Variants in CCDC80 observed in about 807,000 individuals in gnomAD.
The protein encoded by CCDC80 is coiled-coil domain containing 80, also known as coiled-coil domain-containing protein 80.
In CCDC80, 49 loss-of-function variants were observed where a neutral mutation model predicts 78.7. The observed-to-expected ratio is 0.62, with a 90% CI of 0.50 to 0.79. CCDC80 has a LOEUF of 0.79. Ranked by LOEUF, CCDC80 falls within the 30% of genes least tolerant of loss-of-function variation. The pLI, the probability that CCDC80 is intolerant of heterozygous loss-of-function variation, is 0.00. For synonymous variants in CCDC80, 488 were observed against 447.0 expected (o/e 1.09, Z -1.16); for missense variants, 1,205 against 1,198.6 (o/e 1.01, Z -0.08).
intron 5 of CCDC80, among the ~76,000 whole-genome samples, chr3:112,613,926 A>G (rs909263821): frequency 7.9e-5 from 12 of 151,962 alleles, no homozygotes; most frequent in African/African-American, 2.7e-4. Flanking sequence ...GTGAAGCTTA[A>G]GAGAATTTGG....
chr3:112,634,917 A>C (rs1358945372), intron 2 of CCDC80, among the ~76,000 whole-genome samples: 1 of 152,182 alleles, frequency 6.6e-6, no homozygotes. Flanking sequence ...CTGTTTTCTC[A>C]TGTGTAGAAA....
chr3:112,640,214 A>G (rs1319598471), intron 1 of CCDC80, 113 bp downstream of exon 1: 1 of 326,960 alleles, frequency 3.1e-6, no homozygotes, highest in Non-Finnish European at 5.6e-6. Flanking sequence ...GGATGCTCCA[A>G]AGAAAATGCA....
chr3:112,624,971 A>G (rs1255090013), intron 3 of CCDC80, among the ~76,000 whole-genome samples: 1 of 152,148 alleles, frequency 6.6e-6, no homozygotes, highest in Non-Finnish European at 1.5e-5. Flanking sequence ...AGATTCCTGG[A>G]CCTCATTCCT....
chr3:112,638,809 G>A lies in CCDC80; in HGVS notation c.1097C>T (p.Ser366Phe), dbSNP rs943728535. The stretch of plus-strand genomic sequence containing the variant: ...TCTTGCAGCAACTGTTACCGCCCGG[G>A]ACGTGGACCGAGTCACTGTTGTGGC... ...APATTVTRST[S>F]RAVTVAARPM... The change falls in exon 2 of 8, where the codon TCC (serine) becomes TTC (phenylalanine). Residue 366 changes from serine (S) to phenylalanine (F), a missense_variant. Transcript: ENST00000206423. 5.6e-6 allele frequency: 9 copies of A among 1,613,732 alleles called. No individual in the cohort carries two copies. Among genetic ancestry groups the A allele is most frequent in the African/African-American group, 1.3e-5 (1 of 74,874 alleles).
At chr3:112,631,071 T>G (rs372201041) in intron 2 of CCDC80, among the ~76,000 whole-genome samples, 7 of 152,118 alleles carry the variant, frequency 4.6e-5, no homozygotes, top group African/African-American at 1.7e-4. Context: ...TCACCAGAAA[T>G]CTGAGAAAAT....
At chr3:112,630,356 G>T (rs1463069092) in intron 2 of CCDC80, 87 bp from the exon 3 acceptor site, 7 of 1,305,022 alleles carry the variant, frequency 5.4e-6, no homozygotes, top group Admixed American at 1.7e-5. Flanking sequence ...TTGGAAGAGA[G>T]GGCTGGTAGT....
At chr3:112,617,448 A>G (rs1454813640) in intron 4 of CCDC80, among the ~76,000 whole-genome samples, 1 of 152,218 alleles carries the variant, frequency 6.6e-6, no homozygotes, top group African/African-American at 2.4e-5. Flanking sequence ...GCAACCTGAG[A>G]TGGATTTAGG....
rs1219938607 is a variant in CCDC80 at position 112,630,095 on chromosome 3, T to C, written c.2035+18A>G. ...GATATGAGAAAAACAATAATATAAT[T>C]AAAATGTTTAAGAGAACCTAGCTGA... On this transcript the variant is annotated intron_variant, in intron 3 of 7. Coordinates refer to ENST00000206423, the MANE Select transcript of CCDC80 (RefSeq NM_199511.3). 1 of 1,609,962 alleles carries C rather than the reference T, an allele frequency of 6.2e-7. No homozygotes were observed. The highest frequency in any genetic ancestry group is 1.7e-5 in the Admixed American group (1 of 59,816).
chr3:112,607,207 A>G lies in CCDC80; in HGVS notation c.2475T>C (p.Val825=). The G allele has an allele frequency of 6.2e-7, 1 of 1,613,982 alleles. No individual in the cohort carries two copies. The change falls in exon 7 of 8, where the codon GTT becomes GTC. Residue 825 remains valine, a synonymous_variant. Coordinates refer to ENST00000206423, the MANE Select transcript of CCDC80 (RefSeq NM_199511.3). ...ILKLLGVGEE[V]GGVLELFPIN... Reference sequence around the variant, plus strand: ...TTGGGAACAGTTCTAACACTCCCCCAACTTCCTCTCCAACGCCTAAAAGCT... The same window carrying G: ...TTGGGAACAGTTCTAACACTCCCCCGACTTCCTCTCCAACGCCTAAAAGCT...
chr3:112,630,133 T>A lies in CCDC80; in HGVS notation c.2015A>T (p.Lys672Ile). The change falls in exon 3 of 8, where the codon AAA (lysine) becomes ATA (isoleucine). Residue 672 changes from lysine (K) to isoleucine (I), a missense_variant. By Grantham distance (102) the Lys-to-Ile change is moderately radical (BLOSUM62 -3). Coordinates refer to ENST00000206423, the MANE Select transcript of CCDC80 (RefSeq NM_199511.3). ...AGAACCTAGCTGAAAGTGGTCGATT[T>A]TCATGGTGCTGTTGTTGACAGGGCC... ...IFGPVNNSTM[K>I]IDHFQLDNEK... 1 of 1,613,832 alleles carries A rather than the reference T, an allele frequency of 6.2e-7. No homozygotes were observed. The highest frequency in any genetic ancestry group is 8.5e-7 in the Non-Finnish European group (1 of 1,179,804).
At chr3:112,617,151 C>A (rs945814109) in intron 4 of CCDC80, among the ~76,000 whole-genome samples, 1 of 152,156 alleles carries the variant, frequency 6.6e-6, no homozygotes, top group African/African-American at 2.4e-5. Flanking sequence ...CACCTCTCTA[C>A]CTTTGGGACT....
At chr3:112,606,083 T>C (rs1429826560) in intron 7 of CCDC80, among the ~76,000 whole-genome samples, 1 of 152,264 alleles carries the variant, frequency 6.6e-6, no homozygotes, top group East Asian at 1.9e-4. Context: ...AAGGATTATA[T>C]AGTTTATCTT....
chr3:112,626,131 T>C (rs1474051800), intron 3 of CCDC80, among the ~76,000 whole-genome samples: 3 of 152,296 alleles, frequency 2.0e-5, no homozygotes, highest in Non-Finnish European at 4.4e-5. Flanking sequence ...ACTGATATGC[T>C]TGATGTTGGA....
intron 5 of CCDC80, 115 bp downstream of exon 5, chr3:112,616,595 C>T: frequency 1.6e-6 from 2 of 1,231,942 alleles, no homozygotes; most frequent in Non-Finnish European, 2.3e-6. Flanking sequence ...GGTTTTTCTC[C>T]AAGGAGGATT....
At chr3:112,629,748 G>T (rs1299971633) in intron 3 of CCDC80, among the ~76,000 whole-genome samples, 1 of 152,148 alleles carries the variant, frequency 6.6e-6, no homozygotes, top group African/African-American at 2.4e-5. Flanking sequence ...CTGCAGCGGA[G>T]AGTCTGCAGG....
At chr3:112,632,375 T>A (rs1284517459) in intron 2 of CCDC80, among the ~76,000 whole-genome samples, 1 of 152,224 alleles carries the variant, frequency 6.6e-6, no homozygotes, top group Non-Finnish European at 1.5e-5. Context: ...AAATTAAGGA[T>A]AAGCCATATT....
intron 5 of CCDC80, among the ~76,000 whole-genome samples, chr3:112,615,263 T>C (rs1935710366): frequency 6.6e-6 from 1 of 152,172 alleles, no homozygotes; most frequent in African/African-American, 2.4e-5. Flanking sequence ...ATCATATCCT[T>C]CTTAATGCTC....
chr3:112,626,570 CAG>C (rs1935978773), intron 3 of CCDC80, among the ~76,000 whole-genome samples: 1 of 152,094 alleles, frequency 6.6e-6, no homozygotes, highest in Non-Finnish European at 1.5e-5. Flanking sequence ...TATTTTGAGA[CAG>C]AGTGTCACTT....
At chr3:112,617,012 A>G (rs932896791) in intron 4 of CCDC80, among the ~76,000 whole-genome samples, 154 bp from the exon 5 acceptor site, 1 of 152,228 alleles carries the variant, frequency 6.6e-6, no homozygotes, top group South Asian at 2.1e-4. Context: ...CTCTCCTGCA[A>G]TAGTACCCTT....
Sources: allele counts gnomAD v4.1 joint callset (sites outside exome capture counted in the v4.1 genomes callset), GRCh38; gene constraint gnomAD v4.1.1; transcripts MANE v1.5; gene names NCBI Gene and HGNC (gene_info 2026-07-23, HGNC 2026-07-21).